AHCTF1: variants seen among roughly 807,000 people sequenced by gnomAD.
AHCTF1 encodes the protein AT-hook containing transcription factor 1, also known as protein ELYS.
Under a neutral mutation model 248.4 loss-of-function variants are expected in AHCTF1, and 24 were observed. That is an observed-to-expected ratio of 0.10 (90% CI 0.07 to 0.14). The LOEUF (loss-of-function observed/expected upper bound fraction) is 0.14. Ranked by LOEUF, AHCTF1 falls within the 10% of genes least tolerant of loss-of-function variation. AHCTF1 has a pLI of 1.00. For synonymous variants in AHCTF1, 786 were observed against 929.8 expected (o/e 0.85, Z 2.81); for missense variants, 2,206 against 2,636.2 (o/e 0.84, Z 3.57).
chr1:246,853,177 C>G lies in AHCTF1; in HGVS notation c.4477G>C (p.Glu1493Gln). 1 of 1,613,008 alleles carries G rather than the reference C, an allele frequency of 6.2e-7. No homozygotes were observed. The highest frequency in any genetic ancestry group is 8.5e-7 in the Non-Finnish European group (1 of 1,179,410). Residue 1493 changes from glutamate to glutamine, a missense_variant, in exon 32 of 36, where the codon GAA becomes CAA. Coordinates refer to ENST00000648844, the MANE Select transcript of AHCTF1 (RefSeq NM_001323342.2). ...ACACTTTCTTTTAGTACACCAACTT[C>G]TACTTCATGATCTTCTTTTAAGTTC... is the stretch of plus-strand genomic sequence containing the variant. The part of the protein sequence containing the change: ...ALNLKEDHEV[E>Q]VGVLKESVDL...
intron 24 of AHCTF1, among the ~76,000 whole-genome samples, chr1:246,868,552 C>G (rs1572390054): frequency 6.6e-6 from 1 of 151,020 alleles, no homozygotes; most frequent in East Asian, 1.9e-4. Context: ...CCGGCCTGGC[C>G]TACATTTTGT....
intron 3 of AHCTF1, among the ~76,000 whole-genome samples, chr1:246,915,801 C>T (rs974226460): frequency 8.5e-5 from 13 of 152,112 alleles, no homozygotes; most frequent in African/African-American, 2.9e-4. Flanking sequence ...TTATAAACTT[C>T]GAGTGTCCTC....
chr1:246,857,740 G>A lies in AHCTF1; in HGVS notation c.4207C>T (p.Pro1403Ser), dbSNP rs1288605061. The A allele has an allele frequency of 5.0e-6, 8 of 1,613,614 alleles. No individual in the cohort carries two copies. Among genetic ancestry groups the A allele is most frequent in the Non-Finnish European group, 6.8e-6 (8 of 1,179,948 alleles). ...EAFSELNHLS[P>S]VQGTEASLCA... Reference sequence around the variant, plus strand: ...AGAGAAGCTTCAGTTCCTTGAACCGGGCTTAAGTGATTCAATTCTGAAAAT... The same window carrying A: ...AGAGAAGCTTCAGTTCCTTGAACCGAGCTTAAGTGATTCAATTCTGAAAAT... Residue 1403 changes from proline (P) to serine (S), a missense_variant, in exon 30 of 36, where the codon CCG becomes TCG. Transcript: ENST00000648844.
chr1:246,850,833 T>A lies in AHCTF1; in HGVS notation c.5173A>T (p.Thr1725Ser). The change falls in exon 33 of 36, where the codon ACT (threonine) becomes TCT (serine). Residue 1725 changes from threonine to serine, a missense_variant. By Grantham distance (58) the Thr-to-Ser change is moderately conservative (BLOSUM62 1). This residue lies in a region of AHCTF1 where 955 missense variants were observed against 1,055.6 expected (regional missense o/e 0.90). Transcript: ENST00000648844. ...FKTAQETSTM[T>S]MNVSQVDDVV... The stretch of plus-strand genomic sequence containing the variant: ...TCATCAACCTGGCTGACATTCATAG[T>A]CATTGTGCTTGTTTCCTGAGCAGTC... 3.1e-6 allele frequency: 5 copies of A among 1,613,912 alleles called. No individual in the cohort carries two copies. Among genetic ancestry groups the A allele is most frequent in the Non-Finnish European group, 4.2e-6 (5 of 1,179,866 alleles).
chr1:246,880,846 C>T (rs185705768), intron 21 of AHCTF1, among the ~76,000 whole-genome samples: 1 of 152,226 alleles, frequency 6.6e-6, no homozygotes, highest in Admixed American at 6.5e-5. Context: ...TTGCTTCCTA[C>T]AGAAGACAAT....
chr1:246,901,012 AC>A (rs1206852419), intron 8 of AHCTF1, among the ~76,000 whole-genome samples: 2 of 152,186 alleles, frequency 1.3e-5, no homozygotes, highest in African/African-American at 2.4e-5. Flanking sequence ...AAAATCTGAA[AC>A]ACTACTATAA....
chr1:246,883,155 G>A (rs750100103), intron 21 of AHCTF1, among the ~76,000 whole-genome samples: 2 of 152,178 alleles, frequency 1.3e-5, no homozygotes, highest in Non-Finnish European at 2.9e-5. Flanking sequence ...GGGTGAGTCC[G>A]GGGAGAGTGT....
At chr1:246,889,162 T>C (rs952859802) in intron 17 of AHCTF1, among the ~76,000 whole-genome samples, 1 of 152,210 alleles carries the variant, frequency 6.6e-6, no homozygotes, top group South Asian at 2.1e-4. Context: ...AGTTTCTGTT[T>C]CATCACTTGG....
At position 246,888,522 on chromosome 1, in the gene AHCTF1, A is replaced by G. The variant is rs769538655; in HGVS notation, c.2145-5T>C. The G allele has an allele frequency of 5.0e-6, 8 of 1,613,268 alleles. No homozygotes were observed. The Admixed American group carries it at 1.3e-4, about 27-fold the overall frequency. On this transcript the variant is annotated splice_region_variant and splice_polypyrimidine_tract_variant and intron_variant, in intron 17 of 35. Transcript: ENST00000648844. ...CAATCGGGATTCCACTTCCCTCTGC[A>G]ATCAGGGAAAAATTAAGACTTATTT...
chr1:246,874,437 C>T (rs1333198955), intron 24 of AHCTF1, among the ~76,000 whole-genome samples: 1 of 152,078 alleles, frequency 6.6e-6, no homozygotes, highest in Non-Finnish European at 1.5e-5. Flanking sequence ...CTTATCTGTC[C>T]CATAAAAGGA....
intron 29 of AHCTF1, among the ~76,000 whole-genome samples, chr1:246,859,638 C>T (rs997744574): frequency 2.6e-5 from 4 of 152,136 alleles, no homozygotes; most frequent in South Asian, 2.1e-4. Context: ...GGCGCAATCA[C>T]GGCTCACTGC....
At chr1:246,903,874 T>C in intron 7 of AHCTF1, 75 bp downstream of exon 7, 1 of 1,151,328 alleles carries the variant, frequency 8.7e-7, no homozygotes, top group Non-Finnish European at 1.3e-6. Context: ...TTCAATATCT[T>C]AAAACAAAGA....
chr1:246,926,908 C>T (rs970256948), intron 1 of AHCTF1, among the ~76,000 whole-genome samples: 4 of 152,076 alleles, frequency 2.6e-5, no homozygotes, highest in Admixed American at 6.6e-5. Flanking sequence ...GCCGCGGTGG[C>T]ACACGCCTGT....
At chr1:246,856,278 A>C (rs1396233676) in intron 30 of AHCTF1, among the ~76,000 whole-genome samples, 1 of 152,230 alleles carries the variant, frequency 6.6e-6, no homozygotes, top group Non-Finnish European at 1.5e-5. Flanking sequence ...ACCTGTATTA[A>C]TCCACATGAA....
chr1:246,916,319 A>G lies in AHCTF1; in HGVS notation c.198T>C (p.Ser66=). The change falls in exon 3 of 36, where the codon TCT becomes TCC. Residue 66 remains serine, a synonymous_variant. Coordinates refer to ENST00000648844, the MANE Select transcript of AHCTF1 (RefSeq NM_001323342.2). ...VVNSITGERL[S]AYRFSGVNEQ... Reference sequence around the variant, plus strand: ...CATTGACTCCACTGAATCTGTAAGCAGACAATCGCTCTCCTGTTATAGAGT... The same window carrying G: ...CATTGACTCCACTGAATCTGTAAGCGGACAATCGCTCTCCTGTTATAGAGT... The G allele has an allele frequency of 6.2e-7, 1 of 1,609,636 alleles. No homozygotes were observed. The highest frequency in any genetic ancestry group is 8.5e-7 in the Non-Finnish European group (1 of 1,176,676).
At chr1:246,858,604 C>T (rs923952433) in intron 29 of AHCTF1, among the ~76,000 whole-genome samples, 30 of 151,458 alleles carry the variant, frequency 2.0e-4, no homozygotes, top group African/African-American at 7.0e-4. Flanking sequence ...CTGAGGCAGG[C>T]AGATCACGAG....
chr1:246,920,642 C>T (rs184383099), intron 1 of AHCTF1, among the ~76,000 whole-genome samples: 6 of 151,868 alleles, frequency 4.0e-5, no homozygotes, highest in East Asian at 1.9e-4. Context: ...TGGTGGCGGG[C>T]GCCTGTAGTT....
At chr1:246,877,108 C>G (rs750982197) in intron 22 of AHCTF1, 27 bp from the exon 23 acceptor site, 3 of 1,612,114 alleles carry the variant, frequency 1.9e-6, no homozygotes, top group Non-Finnish European at 1.7e-6. Flanking sequence ...AGATTGTAAA[C>G]TACCAATTTA....
intron 14 of AHCTF1, among the ~76,000 whole-genome samples, chr1:246,893,609 A>G (rs1664366351): frequency 6.6e-6 from 1 of 152,212 alleles, no homozygotes; most frequent in Admixed American, 6.5e-5. Context: ...ACAGATTAAT[A>G]AAACTGTCAA....
Sources: allele counts gnomAD v4.1 joint callset (sites outside exome capture counted in the v4.1 genomes callset), GRCh38; gene constraint gnomAD v4.1.1; regional missense constraint gnomAD v4.1.1; transcripts MANE v1.5; gene names NCBI Gene and HGNC (gene_info 2026-07-23, HGNC 2026-07-21).